The following RAD51B variants were observed in gnomAD, a reference collection of about 807,000 sequenced individuals.
RAD51B encodes the protein RAD51 paralog B, also known as DNA repair protein RAD51 homolog 2.
RAD51B carries 38 observed loss-of-function variants against 42.2 expected under a neutral mutation model. The observed-to-expected ratio is 0.90, with a 90% confidence interval of 0.70 to 1.18. RAD51B has a LOEUF of 1.18. Ranked by LOEUF, RAD51B falls within the 50% of genes most tolerant of loss-of-function variation. RAD51B has a pLI of 0.00. For synonymous variants in RAD51B, 154 were observed against 145.2 expected, an observed-to-expected ratio of 1.06 and a Z score of -0.43; for missense variants, 373 against 400.7, an observed-to-expected ratio of 0.93 and a Z score of 0.59.
At chr14:68,287,183 C>T (rs1194754890) in intron 7 of RAD51B, among the ~76,000 whole-genome samples, 1 of 152,192 alleles carries the variant, frequency 6.6e-6, no homozygotes, top group Non-Finnish European at 1.5e-5. Context: ...GTCTATGAAT[C>T]TATACCCCGT....
intron 4 of RAD51B, among the ~76,000 whole-genome samples, chr14:67,845,832 C>T (rs2041593574): frequency 2.0e-5 from 3 of 152,164 alleles, no homozygotes. Context: ...CTTGCCCCTT[C>T]CCTCTAGCTG....
chr14:68,398,036 G>A (rs1398540529), intron 8 of RAD51B, among the ~76,000 whole-genome samples: 1 of 152,236 alleles, frequency 6.6e-6, no homozygotes, highest in East Asian at 1.9e-4. Context: ...GATGGGGAGG[G>A]AGGAAAGCAT....
In RAD51B at chr14:68,234,117, A is replaced by G. The variant is rs546138961; in HGVS notation, c.757-57767A>G. On this transcript the variant is annotated intron_variant, in intron 7 of 10. Coordinates refer to ENST00000471583, the MANE Select transcript of RAD51B (RefSeq NM_133510.4). ...GTGAAGGGACAGATTTGAGATGCAT[A>G]TCAGAAGTCAAATGAGCAGACTACT... Among the ~76,000 whole-genome samples the G allele has an allele frequency of 8.5e-5, 13 of 152,326 alleles. No homozygotes were observed. The East Asian group carries it at 1.2e-3, about 14-fold the overall frequency.
At chr14:68,316,244 G>A (rs1566804128) in intron 8 of RAD51B, among the ~76,000 whole-genome samples, 3 of 152,222 alleles carry the variant, frequency 2.0e-5, no homozygotes, top group South Asian at 4.1e-4. Flanking sequence ...GGGAGTCTGA[G>A]AGTGTGTAAT....
intron 8 of RAD51B, among the ~76,000 whole-genome samples, chr14:68,352,851 A>T (rs2082818102): frequency 6.6e-6 from 1 of 152,014 alleles, no homozygotes. Flanking sequence ...GGACCCCAAG[A>T]ATTGGCCTGC....
intron 5 of RAD51B, among the ~76,000 whole-genome samples, chr14:67,881,053 A>G (rs764757071): frequency 5.3e-5 from 8 of 152,226 alleles, no homozygotes; most frequent in East Asian, 1.9e-4. Context: ...CTTCTAGGCT[A>G]TGAACCTGTA....
intron 11 of RAD51B, among the ~76,000 whole-genome samples, chr14:68,661,812 C>T (rs558622731): frequency 1.6e-3 from 251 of 152,318 alleles, no homozygotes; most frequent in African/African-American, 5.9e-3. Context: ...TCACGTCCCA[C>T]TCTGACTGCC....
At chr14:67,934,422 C>G (rs967335896) in intron 7 of RAD51B, among the ~76,000 whole-genome samples, 2 of 152,110 alleles carry the variant, frequency 1.3e-5, no homozygotes, top group Non-Finnish European at 2.9e-5. Flanking sequence ...CAGTAATTAG[C>G]TCAGGAAAGT....
At chr14:68,359,995 C>A (rs2082990726) in intron 8 of RAD51B, among the ~76,000 whole-genome samples, 1 of 152,202 alleles carries the variant, frequency 6.6e-6, no homozygotes, top group African/African-American at 2.4e-5. Flanking sequence ...CTGGGCTGGG[C>A]TCCTTAAGTC....
rs1189219646 is a variant in RAD51B, at chr14:68,388,155, A to G, written c.854-23269A>G. Among the ~76,000 whole-genome samples, 10 of 149,544 alleles carry G rather than the reference A, an allele frequency of 6.7e-5. No individual in the cohort carries two copies. The Admixed American group carries it at 6.7e-4, about 10-fold the overall frequency. ...GTCACCCAGGCTGGAGTGCAGTGGC[A>G]CAGTCTCAGCTCACTGCAACCTCTG... On this transcript the variant is annotated intron_variant, in intron 8 of 10. Transcript: ENST00000471583.
chr14:68,328,175 A>T (rs1487569063), intron 8 of RAD51B, among the ~76,000 whole-genome samples: 3 of 152,194 alleles, frequency 2.0e-5, no homozygotes, highest in Non-Finnish European at 4.4e-5. Context: ...CTGAACCAGG[A>T]CACAAAGAAA....
At chr14:68,612,047 C>G (rs1448895394), downstream of RAD51B, among the ~76,000 whole-genome samples, 1 of 152,218 alleles carries the variant, frequency 6.6e-6, no homozygotes, top group Admixed American at 6.5e-5. Context: ...TTGATTGCTG[C>G]TAATAGCCAA....
At chr14:67,999,128 C>T (rs1318292977) in intron 7 of RAD51B, among the ~76,000 whole-genome samples, 2 of 151,990 alleles carry the variant, frequency 1.3e-5, no homozygotes, top group African/African-American at 4.8e-5. Flanking sequence ...TTTTCCTTTT[C>T]TCAGGGATCA....
At chr14:68,190,957 C>T (rs573148015) in intron 7 of RAD51B, among the ~76,000 whole-genome samples, 3 of 152,034 alleles carry the variant, frequency 2.0e-5, no homozygotes, top group Non-Finnish European at 4.4e-5. Context: ...ACTCCATTTT[C>T]CTGAGAAATA....
At chr14:68,638,209 C>T (rs1207788033) in intron 10 of RAD51B, among the ~76,000 whole-genome samples, 1 of 152,174 alleles carries the variant, frequency 6.6e-6, no homozygotes, top group Non-Finnish European at 1.5e-5. Flanking sequence ...GTGTAGGCCA[C>T]GTGAAGGGTC....
intron 7 of RAD51B, among the ~76,000 whole-genome samples, chr14:68,196,635 A>C (rs757116254): frequency 8.6e-5 from 13 of 151,996 alleles, no homozygotes; most frequent in African/African-American, 1.4e-4. Flanking sequence ...TATTCACTGT[A>C]TTTATTATAA....
chr14:68,636,352 G>A (rs973080974), intron 10 of RAD51B, among the ~76,000 whole-genome samples: 2 of 152,132 alleles, frequency 1.3e-5, no homozygotes, highest in African/African-American at 4.8e-5. Flanking sequence ...GGAGGCTGAG[G>A]TGGGTGGATC....
At chr14:67,926,904 A>G (rs751784516) in intron 7 of RAD51B, among the ~76,000 whole-genome samples, 11 of 152,288 alleles carry the variant, frequency 7.2e-5, no homozygotes, top group African/African-American at 2.2e-4. Context: ...CTCAGTTTAT[A>G]TAGCTCACTG....
rs7145030 is a variant in RAD51B at position 68,246,757 on chromosome 14, A to G, written c.757-45127A>G. ...GGATAAATAGAGTTCTTTTCTTGGC[A>G]TTGTTAAAAATATTACTAAAAAGAG... On this transcript the variant is annotated intron_variant, in intron 7 of 10. Coordinates refer to ENST00000471583, the MANE Select transcript of RAD51B (RefSeq NM_133510.4). Among the ~76,000 whole-genome samples, 624 of 152,316 alleles carry G rather than the reference A, an allele frequency of 4.1e-3. 5 individuals are homozygous for G. Among genetic ancestry groups the G allele is most frequent in the African/African-American group, 0.014 (594 of 41,566 alleles).
Sources: allele counts gnomAD v4.1 joint callset (sites outside exome capture counted in the v4.1 genomes callset), GRCh38; gene constraint gnomAD v4.1.1; transcripts MANE v1.5; gene names NCBI Gene and HGNC (gene_info 2026-07-23, HGNC 2026-07-21).